The following ZEB1 variants were observed in gnomAD, a reference collection of about 807,000 sequenced individuals.
The protein encoded by ZEB1 is zinc finger E-box binding homeobox 1.
A neutral mutation model predicts 84.9 loss-of-function variants in ZEB1; 21 were observed. The observed-to-expected ratio is 0.25, with a 90% CI of 0.18 to 0.36. The LOEUF is 0.36. Ranked by LOEUF, ZEB1 falls within the 10% of genes least tolerant of loss-of-function variation. ZEB1 has a pLI of 1.00. For missense variants in ZEB1, 1,104 were observed against 1,330.2 expected (o/e 0.83, Z 2.65); for synonymous variants, 420 against 471.1 (o/e 0.89, Z 1.41).
chr10:31,440,268 T>C (rs142684513), intron 1 of ZEB1, among the ~76,000 whole-genome samples: 1 of 152,202 alleles, frequency 6.6e-6, no homozygotes, highest in Non-Finnish European at 1.5e-5. Flanking sequence ...AAATTTCCCA[T>C]TAGAAATCCA....
chr10:31,407,350 G>GT (rs566180017), intron 1 of ZEB1, among the ~76,000 whole-genome samples: 4,965 of 149,720 alleles, frequency 0.033, 261 homozygotes, highest in African/African-American at 0.11. Context: ...GCGGTGTTTG[G>GT]TTTTTTGTTA....
At chr10:31,423,637 C>T (rs991353698) in intron 1 of ZEB1, among the ~76,000 whole-genome samples, 3 of 151,996 alleles carry the variant, frequency 2.0e-5, no homozygotes, top group African/African-American at 7.2e-5. Flanking sequence ...TCTTCCCAAA[C>T]ATAATGTATT....
chr10:31,425,902 A>G (rs1209559669), intron 1 of ZEB1, among the ~76,000 whole-genome samples: 1 of 152,162 alleles, frequency 6.6e-6, no homozygotes, highest in East Asian at 1.9e-4. Flanking sequence ...TATCAGTTGT[A>G]TATGCATACA....
At chr10:31,344,206 A>G (rs2039894617) in intron 1 of ZEB1, among the ~76,000 whole-genome samples, 1 of 152,208 alleles carries the variant, frequency 6.6e-6, no homozygotes, top group African/African-American at 2.4e-5. Flanking sequence ...TTAAGTAAAT[A>G]TATAGCCATG....
chr10:31,439,240 A>G (rs1273640575), intron 1 of ZEB1, among the ~76,000 whole-genome samples: 1 of 152,170 alleles, frequency 6.6e-6, no homozygotes, highest in African/African-American at 2.4e-5. Context: ...GTACCAAACA[A>G]TATATCTTAG....
chr10:31,461,178 T>A lies in ZEB1; in HGVS notation c.200T>A (p.Val67Glu), dbSNP rs2061765491. Residue 67 changes from valine to glutamate, a missense_variant, in exon 2 of 9, where the codon GTG (valine) becomes GAG (glutamate). Val to Glu is a moderately radical substitution (Grantham distance 121). Around this residue, in one of 7 missense-constraint regions of ZEB1, gnomAD observed 162 missense variants for 184.5 expected, o/e 0.88. Transcript: ENST00000424869. ...PEDDLPTDQT[V>E]LPGRSSEREG... is the part of the protein sequence containing the mutation. ...GATGACCTGCCAACAGACCAGACAGTGTTACCAGGGAGGAGCAGTGAAAGA... is the reference window on the plus strand; with the variant it reads ...GATGACCTGCCAACAGACCAGACAGAGTTACCAGGGAGGAGCAGTGAAAGA... The A allele has an allele frequency of 1.9e-6, 3 of 1,613,508 alleles. No individual in the cohort carries two copies. Among genetic ancestry groups the A allele is most frequent in the Non-Finnish European group, 2.5e-6 (3 of 1,179,716 alleles).
At chr10:31,437,960 T>G (rs1190771055) in intron 1 of ZEB1, among the ~76,000 whole-genome samples, 1 of 152,220 alleles carries the variant, frequency 6.6e-6, no homozygotes, top group East Asian at 1.9e-4. Context: ...CTGGGATTAG[T>G]AAATGTCAAA....
chr10:31,457,854 C>T (rs2061416300), intron 1 of ZEB1, among the ~76,000 whole-genome samples: 1 of 152,044 alleles, frequency 6.6e-6, no homozygotes, highest in African/African-American at 2.4e-5. Context: ...TTTTCAAGCC[C>T]AAAATACTCT....
At chr10:31,414,727 A>G (rs541172263) in intron 1 of ZEB1, among the ~76,000 whole-genome samples, 1 of 152,310 alleles carries the variant, frequency 6.6e-6, no homozygotes, top group African/African-American at 2.4e-5. Context: ...GTGTAGCATC[A>G]TAGTGGACAC....
intron 1 of ZEB1, among the ~76,000 whole-genome samples, chr10:31,351,958 T>C (rs1054363570): frequency 6.6e-6 from 1 of 152,186 alleles, no homozygotes; most frequent in Admixed American, 6.5e-5. Flanking sequence ...ACATTATGTT[T>C]AGTAAAATTC....
chr10:31,439,188 G>A (rs78909887), intron 1 of ZEB1, among the ~76,000 whole-genome samples: 75 of 152,146 alleles, frequency 4.9e-4, no homozygotes, highest in Non-Finnish European at 6.3e-4. Flanking sequence ...TGTATTTTCT[G>A]GAAGGATGGA....
At chr10:31,422,184 G>GC (rs1353297684) in intron 1 of ZEB1, among the ~76,000 whole-genome samples, 1 of 152,180 alleles carries the variant, frequency 6.6e-6, no homozygotes, top group Non-Finnish European at 1.5e-5. Context: ...TCATCTTGAA[G>GC]CCCTGTAAGT....
At chr10:31,334,137 A>C (rs2037462108) in intron 1 of ZEB1, among the ~76,000 whole-genome samples, 2 of 152,100 alleles carry the variant, frequency 1.3e-5, no homozygotes, top group African/African-American at 4.8e-5. Context: ...GAAAAAAATT[A>C]AGAAAAATAT....
intron 2 of ZEB1, among the ~76,000 whole-genome samples, chr10:31,470,947 CAT>C (rs1277614079): frequency 2.3e-4 from 32 of 136,614 alleles, no homozygotes; most frequent in African/African-American, 8.9e-4. Flanking sequence ...CCCAGAATTT[CAT>C]ATCCAGCCAA....
chr10:31,475,119 G>C (rs2063912945), intron 2 of ZEB1, among the ~76,000 whole-genome samples: 1 of 151,912 alleles, frequency 6.6e-6, no homozygotes, highest in African/African-American at 2.4e-5. Context: ...TAGATGACGA[G>C]TTAGTGGGTG....
At chr10:31,437,968 A>C (rs1027390159) in intron 1 of ZEB1, among the ~76,000 whole-genome samples, 1 of 152,226 alleles carries the variant, frequency 6.6e-6, no homozygotes, top group East Asian at 1.9e-4. Flanking sequence ...AGTAAATGTC[A>C]AAATATTTCT....
At chr10:31,453,704 C>G (rs2060868492) in intron 1 of ZEB1, among the ~76,000 whole-genome samples, 1 of 151,994 alleles carries the variant, frequency 6.6e-6, no homozygotes, top group Non-Finnish European at 1.5e-5. Flanking sequence ...AAGTCTAAAC[C>G]CAGAAGAAGT....
At chr10:31,334,705 A>G (rs995671746) in intron 1 of ZEB1, among the ~76,000 whole-genome samples, 1 of 152,120 alleles carries the variant, frequency 6.6e-6, no homozygotes, top group African/African-American at 2.4e-5. Flanking sequence ...GAAAGAAGTC[A>G]TAAAGCAGTA....
chr10:31,502,830 C>A (rs1265662265), intron 4 of ZEB1, among the ~76,000 whole-genome samples: 3 of 152,144 alleles, frequency 2.0e-5, no homozygotes, highest in Non-Finnish European at 4.4e-5. Context: ...CCTTTGGATT[C>A]TTTCCCACCA....
Sources: gnomAD v4.1 joint callset for allele counts (sites outside exome capture counted in the v4.1 genomes callset) on GRCh38, gnomAD v4.1.1 for gene constraint, gnomAD v4.1.1 regional missense constraint, MANE v1.5 for transcripts, NCBI Gene and HGNC (gene_info 2026-07-23, HGNC 2026-07-21) for gene names.